Variants in MIPOL1 observed in about 807,000 individuals in gnomAD.
MIPOL1 encodes mirror-image polydactyly gene 1 protein.
In MIPOL1, 57 loss-of-function variants were observed where a neutral mutation model predicts 60.9. The observed-to-expected ratio is 0.94, with a 90% CI of 0.76 to 1.17. MIPOL1 has a LOEUF of 1.17. Among genes scored for constraint, MIPOL1 ranks in the 50% most tolerant of loss-of-function variants. The pLI is 0.00. For synonymous variants in MIPOL1, 179 were observed against 168.8 expected (o/e 1.06, Z -0.47); for missense variants, 551 against 511.6 (o/e 1.08, Z -0.74).
intron 1 of MIPOL1, among the ~76,000 whole-genome samples, chr14:37,200,342 T>C (rs983761629): frequency 3.9e-5 from 6 of 152,236 alleles, no homozygotes; most frequent in Admixed American, 6.5e-5. Context: ...ACAAAAACAG[T>C]TGTTAAAAGA....
At chr14:37,309,391 C>T (rs1427070322) in intron 9 of MIPOL1, among the ~76,000 whole-genome samples, 1 of 152,092 alleles carries the variant, frequency 6.6e-6, no homozygotes, top group Non-Finnish European at 1.5e-5. Context: ...ACTTCTATGT[C>T]ACTTCTCTTG....
At chr14:37,460,330 A>G (rs1367407044) in intron 11 of MIPOL1, among the ~76,000 whole-genome samples, 1 of 152,138 alleles carries the variant, frequency 6.6e-6, no homozygotes, top group Non-Finnish European at 1.5e-5. Context: ...CATGATAAAA[A>G]CCTTCAACAA....
intron 10 of MIPOL1, among the ~76,000 whole-genome samples, chr14:37,375,608 A>C (rs2092754803): frequency 6.6e-6 from 1 of 151,712 alleles, no homozygotes; most frequent in Non-Finnish European, 1.5e-5. Flanking sequence ...GATTGTTAAT[A>C]AAACTTTGAT....
intron 12 of MIPOL1, among the ~76,000 whole-genome samples, chr14:37,545,435 C>T (rs376791210): frequency 5.9e-5 from 9 of 152,138 alleles, no homozygotes; most frequent in African/African-American, 2.2e-4. Context: ...GCAGACTAAT[C>T]TGAGAATACA....
intron 11 of MIPOL1, among the ~76,000 whole-genome samples, chr14:37,429,097 C>G (rs182713975): frequency 1.3e-5 from 2 of 152,260 alleles, no homozygotes; most frequent in Admixed American, 6.5e-5. Context: ...ACAGTTTCAT[C>G]AAGAAAGAAT....
At chr14:37,436,324 G>T (rs1053369197) in intron 11 of MIPOL1, among the ~76,000 whole-genome samples, 1 of 151,950 alleles carries the variant, frequency 6.6e-6, no homozygotes, top group African/African-American at 2.4e-5. Flanking sequence ...GGAGAGGAGA[G>T]AATTCCTTCA....
chr14:37,473,365 T>C (rs1004545883), intron 11 of MIPOL1, among the ~76,000 whole-genome samples: 31 of 152,202 alleles, frequency 2.0e-4, no homozygotes, highest in South Asian at 1.7e-3. Context: ...ATAAACCTTT[T>C]TTTTTTCTTT....
chr14:37,355,111 A>G (rs1249922676), intron 9 of MIPOL1, among the ~76,000 whole-genome samples: 2 of 148,806 alleles, frequency 1.3e-5, no homozygotes, highest in East Asian at 4.0e-4. Flanking sequence ...GGTGGTGACA[A>G]AATCTCTCAG....
At chr14:37,220,126 A>G (rs1303702239) in intron 1 of MIPOL1, among the ~76,000 whole-genome samples, 1 of 152,144 alleles carries the variant, frequency 6.6e-6, no homozygotes, top group Non-Finnish European at 1.5e-5. Flanking sequence ...GTGACCTAAG[A>G]TCCTTTAATT....
At chr14:37,513,607 C>A (rs1305648347) in intron 12 of MIPOL1, among the ~76,000 whole-genome samples, 1 of 152,032 alleles carries the variant, frequency 6.6e-6, no homozygotes, top group Admixed American at 6.6e-5. Flanking sequence ...AGTGAAGGAT[C>A]CAGGCTAAAG....
At chr14:37,245,791 A>G (rs957002420) in intron 1 of MIPOL1, among the ~76,000 whole-genome samples, 4 of 152,130 alleles carry the variant, frequency 2.6e-5, no homozygotes, top group African/African-American at 9.6e-5. Flanking sequence ...GTTTAAGGCT[A>G]CTAATACATA....
chr14:37,259,320 C>T (rs1394264534), intron 3 of MIPOL1, among the ~76,000 whole-genome samples: 1 of 151,962 alleles, frequency 6.6e-6, no homozygotes, highest in African/African-American at 2.4e-5. Context: ...CTTTGGGAGG[C>T]TGAGATGGGA....
intron 11 of MIPOL1, among the ~76,000 whole-genome samples, chr14:37,426,444 C>CTT (rs2093960618): frequency 6.6e-6 from 1 of 150,908 alleles, no homozygotes; most frequent in Non-Finnish European, 1.5e-5. Context: ...TGGCGGACAC[C>CTT]TGTAATCCCA....
chr14:37,264,461 GAA>G (rs57621029), intron 3 of MIPOL1, among the ~76,000 whole-genome samples: 4 of 144,488 alleles, frequency 2.8e-5, no homozygotes, highest in African/African-American at 1.0e-4. Context: ...CCCCATCTCT[GAA>G]AAAAAAAAAA....
intron 9 of MIPOL1, among the ~76,000 whole-genome samples, chr14:37,330,595 A>G (rs2089587642): frequency 6.6e-6 from 1 of 152,136 alleles, no homozygotes; most frequent in Non-Finnish European, 1.5e-5. Flanking sequence ...CCCAATGGCT[A>G]TCCCAGCAGG....
At chr14:37,366,179 T>G (rs1409802806) in intron 9 of MIPOL1, among the ~76,000 whole-genome samples, 1 of 152,032 alleles carries the variant, frequency 6.6e-6, no homozygotes, top group Non-Finnish European at 1.5e-5. Flanking sequence ...CTGATCTTTA[T>G]TGTTTCTTCT....
At chr14:37,437,720 G>A (rs1392769879) in intron 11 of MIPOL1, among the ~76,000 whole-genome samples, 3 of 152,062 alleles carry the variant, frequency 2.0e-5, no homozygotes, top group African/African-American at 4.8e-5. Context: ...TTCCTGACCT[G>A]CAAAGTAAGA....
At chr14:37,468,091 C>T (rs1004346567) in intron 11 of MIPOL1, among the ~76,000 whole-genome samples, 6 of 150,090 alleles carry the variant, frequency 4.0e-5, no homozygotes, top group Admixed American at 1.3e-4. Context: ...AGATTTTGAT[C>T]GGCTTTGTTT....
chr14:37,471,048 AAT>A (rs2094682339), intron 11 of MIPOL1, among the ~76,000 whole-genome samples: 1 of 152,166 alleles, frequency 6.6e-6, no homozygotes, highest in Non-Finnish European at 1.5e-5. Context: ...ACCACTACAC[AAT>A]GTATCCATGT....
Sources: allele counts gnomAD v4.1 joint callset (sites outside exome capture counted in the v4.1 genomes callset), GRCh38; gene constraint gnomAD v4.1.1; transcripts MANE v1.5; gene names NCBI Gene and HGNC (gene_info 2026-07-23, HGNC 2026-07-21).